The following PTPRN2 variants were observed in gnomAD, a reference collection of about 807,000 sequenced individuals.
PTPRN2 encodes the protein protein tyrosine phosphatase receptor type N2.
In PTPRN2, 74 loss-of-function variants were observed where a neutral mutation model predicts 118.8. That is an observed-to-expected ratio of 0.62 (90% CI 0.52 to 0.76). The LOEUF (loss-of-function observed/expected upper bound fraction) is 0.76, where lower values mean the gene tolerates loss of function less well. Ranked by LOEUF, PTPRN2 falls within the 30% of genes least tolerant of loss-of-function variation. PTPRN2 has a pLI of 0.00. For missense variants in PTPRN2, 1,481 were observed against 1,394.4 expected, an observed-to-expected ratio of 1.06 and a Z score of -0.99; for synonymous variants, 641 against 608.0, an observed-to-expected ratio of 1.05 and a Z score of -0.80.
intron 3 of PTPRN2, among the ~76,000 whole-genome samples, chr7:158,283,404 G>A (rs1799561860): frequency 6.6e-6 from 1 of 152,158 alleles, no homozygotes; most frequent in Non-Finnish European, 1.5e-5. Flanking sequence ...AGCCAAGACG[G>A]GGCAGGAGAC....
At chr7:158,068,056 G>A (rs1194352318) in intron 11 of PTPRN2, among the ~76,000 whole-genome samples, 1 of 152,200 alleles carries the variant, frequency 6.6e-6, no homozygotes, top group Non-Finnish European at 1.5e-5. Flanking sequence ...AGGAAGGCAG[G>A]CATGCTGGGC....
At chr7:158,169,851 C>A (rs1277205259) in intron 5 of PTPRN2, among the ~76,000 whole-genome samples, 1 of 150,744 alleles carries the variant, frequency 6.6e-6, no homozygotes, top group Non-Finnish European at 1.5e-5. Flanking sequence ...TTCACCACGC[C>A]CTGCTAATTT....
chr7:157,549,322 C>CTTTTTTTTT (rs5888720), intron 21 of PTPRN2, among the ~76,000 whole-genome samples: 2 of 139,508 alleles, frequency 1.4e-5, no homozygotes, highest in African/African-American at 2.6e-5. Flanking sequence ...TCTTTCTTTT[C>CTTTTTTTTT]TTTTTTTTTT....
intron 13 of PTPRN2, among the ~76,000 whole-genome samples, chr7:157,672,221 G>A (rs566688080): frequency 2.0e-5 from 3 of 152,258 alleles, no homozygotes; most frequent in East Asian, 1.9e-4. Flanking sequence ...CAAGACAGAC[G>A]CATGCCCGGG....
chr7:157,621,942 C>T (rs1005783449), intron 14 of PTPRN2, among the ~76,000 whole-genome samples: 16 of 152,020 alleles, frequency 1.1e-4, no homozygotes, highest in African/African-American at 4.8e-5. Context: ...CTGGGCTGCT[C>T]TGATCTGTGC....
At chr7:157,866,525 C>T (rs999681570) in intron 12 of PTPRN2, among the ~76,000 whole-genome samples, 3 of 152,064 alleles carry the variant, frequency 2.0e-5, no homozygotes, top group Non-Finnish European at 1.5e-5. Flanking sequence ...ACCTACTAAA[C>T]AGCGCATGTG....
At chr7:158,332,672 C>G (rs1331048795) in intron 2 of PTPRN2, among the ~76,000 whole-genome samples, 1 of 148,526 alleles carries the variant, frequency 6.7e-6, no homozygotes, top group African/African-American at 2.5e-5. Flanking sequence ...AGACATCACT[C>G]ACACCCACAC....
At chr7:158,342,235 C>G (rs1807018398) in intron 2 of PTPRN2, among the ~76,000 whole-genome samples, 1 of 147,920 alleles carries the variant, frequency 6.8e-6, no homozygotes, top group South Asian at 2.2e-4. Context: ...CACACTCTCA[C>G]CATAAGAGCT....
At chr7:157,544,079 A>G (rs182371873) in intron 22 of PTPRN2, among the ~76,000 whole-genome samples, 92 of 149,472 alleles carry the variant, frequency 6.2e-4, no homozygotes, top group Admixed American at 2.5e-3. Context: ...GTGGAGAGAG[A>G]CGGAGAGAGG....
At chr7:158,155,568 CCATCATCACCATCACCATCATCACCAT>C in intron 6 of PTPRN2, among the ~76,000 whole-genome samples, 1 of 30,250 alleles carries the variant, frequency 3.3e-5, no homozygotes, top group East Asian at 7.2e-4. Context: ...ATCATCATTG[CCATCATCACCATCACCATCATCACCAT>C]CATCATCACC....
At chr7:158,376,718 C>T (rs1400101545) in intron 2 of PTPRN2, among the ~76,000 whole-genome samples, 31 of 128,924 alleles carry the variant, frequency 2.4e-4, no homozygotes, top group Non-Finnish European at 3.4e-4. Flanking sequence ...GGTCAGGGGA[C>T]TCTCCCACAG....
At chr7:157,745,623 G>A (rs1204066261) in intron 12 of PTPRN2, among the ~76,000 whole-genome samples, 1 of 152,100 alleles carries the variant, frequency 6.6e-6, no homozygotes, top group South Asian at 2.1e-4. Flanking sequence ...CAGAGGCTGA[G>A]TGAGGGTGCC....
At chr7:158,323,805 G>A (rs10271012) in intron 2 of PTPRN2, among the ~76,000 whole-genome samples, 1,668 of 152,248 alleles carry the variant, frequency 0.011, 30 homozygotes, top group African/African-American at 0.038. Context: ...CTGTGGGGCT[G>A]CATACCTCCC....
chr7:158,514,964 C>G (rs1422733346), intron 1 of PTPRN2, among the ~76,000 whole-genome samples: 1 of 152,170 alleles, frequency 6.6e-6, no homozygotes, highest in African/African-American at 2.4e-5. Context: ...AGAAAATCAT[C>G]TGAAGAAGAG....
intron 2 of PTPRN2, among the ~76,000 whole-genome samples, chr7:158,472,877 C>T (rs568032538): frequency 2.6e-5 from 4 of 152,196 alleles, no homozygotes; most frequent in East Asian, 1.9e-4. Flanking sequence ...GGCGGCGGGG[C>T]GGGGGCCTTA....
chr7:158,076,387 G>C (rs539045250), intron 11 of PTPRN2, among the ~76,000 whole-genome samples: 13 of 152,216 alleles, frequency 8.5e-5, no homozygotes, highest in Admixed American at 2.0e-4. Context: ...CACCTGGCGT[G>C]GCCTCCCTGG....
At chr7:158,539,881 C>T in intron 1 of PTPRN2, 1 of 216,834 alleles carries the variant, frequency 4.6e-6, no homozygotes, top group African/African-American at 2.4e-5. Context: ...CCAGACATTG[C>T]ACTGTGAGCC....
At chr7:158,368,797 G>C (rs1462087447) in intron 2 of PTPRN2, among the ~76,000 whole-genome samples, 1 of 152,232 alleles carries the variant, frequency 6.6e-6, no homozygotes, top group African/African-American at 2.4e-5. Flanking sequence ...CACAGAAACT[G>C]TAATTTTAGG....
chr7:158,061,098 C>T (rs986824276), intron 11 of PTPRN2, among the ~76,000 whole-genome samples: 1 of 152,234 alleles, frequency 6.6e-6, no homozygotes, highest in Non-Finnish European at 1.5e-5. Context: ...CGGCTTTGTC[C>T]GTGTCGCTCA....
Sources: gnomAD v4.1 joint callset for allele counts (sites outside exome capture counted in the v4.1 genomes callset) on GRCh38, gnomAD v4.1.1 for gene constraint, MANE v1.5 for transcripts, NCBI Gene and HGNC (gene_info 2026-07-23, HGNC 2026-07-21) for gene names.